CDC42BPB: variants seen among roughly 807,000 people sequenced by gnomAD.
CDC42BPB encodes the protein CDC42 binding protein kinase beta.
A neutral mutation model predicts 214.9 loss-of-function variants in CDC42BPB; 37 were observed. The observed-to-expected ratio is 0.17, with a 90% CI of 0.13 to 0.23. The LOEUF (loss-of-function observed/expected upper bound fraction) is 0.23. Among genes scored for constraint, CDC42BPB ranks in the 10% least tolerant of loss-of-function variants. The probability of loss-of-function intolerance (pLI) is 1.00; values close to 1 mark genes in which losing one functional copy is unlikely to be tolerated. For missense variants in CDC42BPB, 1,694 were observed against 2,227.0 expected, an observed-to-expected ratio of 0.76 and a Z score of 4.82; for synonymous variants, 931 against 884.0, an observed-to-expected ratio of 1.05 and a Z score of -0.94.
chr14:102,997,872 C>T (rs941364587), intron 5 of CDC42BPB, among the ~76,000 whole-genome samples: 12 of 152,196 alleles, frequency 7.9e-5, no homozygotes, highest in East Asian at 1.9e-4. Flanking sequence ...GAGCCGGGCG[C>T]GGTGGCTCAC....
At chr14:102,953,954 AC>A (rs1892603321) in intron 23 of CDC42BPB, among the ~76,000 whole-genome samples, 1 of 152,186 alleles carries the variant, frequency 6.6e-6, no homozygotes, top group African/African-American at 2.4e-5. Context: ...TGAATGCTGA[AC>A]TTTTCCAATT....
intron 4 of CDC42BPB, among the ~76,000 whole-genome samples, chr14:103,002,559 T>C (rs1270644475): frequency 1.3e-5 from 2 of 152,214 alleles, no homozygotes; most frequent in Non-Finnish European, 2.9e-5. Context: ...AAAGTGGAAA[T>C]GAACTGGAGA....
chr14:102,968,958 A>C, intron 14 of CDC42BPB: 1 of 900,508 alleles, frequency 1.1e-6, no homozygotes, highest in Non-Finnish European at 1.3e-6. Context: ...GCTCTGCCCC[A>C]CACCCTGTTC....
chr14:102,993,543 G>C (rs1894592934), intron 5 of CDC42BPB, among the ~76,000 whole-genome samples: 1 of 151,650 alleles, frequency 6.6e-6, no homozygotes, highest in African/African-American at 2.4e-5. Flanking sequence ...TGGAAGGATG[G>C]AGGGAAAGAG....
At chr14:103,053,014 G>C (rs553914846) in intron 1 of CDC42BPB, among the ~76,000 whole-genome samples, 32 of 152,292 alleles carry the variant, frequency 2.1e-4, no homozygotes, top group African/African-American at 7.7e-4. Flanking sequence ...CATATGTTCT[G>C]CTTCAAATGG....
chr14:103,015,856 G>A (rs997807748), intron 1 of CDC42BPB, among the ~76,000 whole-genome samples: 3 of 151,876 alleles, frequency 2.0e-5, no homozygotes, highest in South Asian at 2.1e-4. Context: ...TTACAGGCAC[G>A]TGCCACCACA....
intron 1 of CDC42BPB, among the ~76,000 whole-genome samples, chr14:103,034,724 A>G (rs1887571587): frequency 6.6e-6 from 1 of 152,094 alleles, no homozygotes; most frequent in Non-Finnish European, 1.5e-5. Context: ...AGGCTGAGGC[A>G]AAAGAATCCC....
intron 1 of CDC42BPB, among the ~76,000 whole-genome samples, chr14:103,032,902 C>T (rs1437899330): frequency 6.7e-6 from 1 of 150,240 alleles, no homozygotes; most frequent in Admixed American, 6.6e-5. Flanking sequence ...CAGGCATAAT[C>T]CACCGTGCCC....
chr14:103,051,815 T>C (rs1333177470), intron 1 of CDC42BPB, among the ~76,000 whole-genome samples: 9 of 152,204 alleles, frequency 5.9e-5, no homozygotes, highest in Non-Finnish European at 1.3e-4. Context: ...TGCTGCTCAC[T>C]GTGAAGCCCA....
At chr14:102,968,965 G>A in intron 14 of CDC42BPB, 2 of 847,726 alleles carry the variant, frequency 2.4e-6, no homozygotes, top group Non-Finnish European at 2.8e-6. Context: ...CCCACACCCT[G>A]TTCATTCATG....
At position 103,032,789 on chromosome 14, in the gene CDC42BPB, C is replaced by T. The variant is rs143582903; in HGVS notation, c.176-20601G>A. 2.8e-3 allele frequency among the ~76,000 whole-genome samples: 432 copies of T among 151,590 alleles called. 17 individuals carry two copies. In the East Asian group the frequency reaches 0.073, roughly 25 times the overall value. The stretch of plus-strand genomic sequence containing the variant: ...CTGGGATTACAGGCATGCAGCACCA[C>T]GCCTGGCTAATTTTTATATTTTAGT... On this transcript the variant is annotated intron_variant, in intron 1 of 36. Transcript: ENST00000361246.
chr14:102,962,989 AAAG>A lies in CDC42BPB; in HGVS notation c.2821+69_2821+71del, dbSNP rs1893029421. 3 of 766,710 alleles carry A rather than the reference AAAG, an allele frequency of 3.9e-6. No homozygotes were observed. In the Admixed American group the frequency reaches 7.3e-5, roughly 19 times the overall value. The allele number at this position is 766,710 out of a possible 1,614,324, so 47.5% of individuals were successfully genotyped here. A position where few individuals can be genotyped will look rare whatever the true frequency, so the allele number is the denominator to read the frequency against. ...GCTTCTAAAGTAACTATTAAGTCGA[AAAG>A]AAAATAAAAACATTCATTTGAAAAA... On this transcript the variant is annotated intron_variant, in intron 20 of 36. Transcript: ENST00000361246.
chr14:102,978,365 A>G (rs1334088612), intron 8 of CDC42BPB, 160 bp from the exon 9 acceptor site: 1 of 984,354 alleles, frequency 1.0e-6, no homozygotes, highest in Non-Finnish European at 1.2e-6. Context: ...AGATGAGTAT[A>G]GCAGATCTGT....
At chr14:103,045,430 A>G (rs956391935) in intron 1 of CDC42BPB, among the ~76,000 whole-genome samples, 3 of 152,134 alleles carry the variant, frequency 2.0e-5, no homozygotes, top group African/African-American at 7.2e-5. Context: ...GCCCCACATC[A>G]CGTGGTCTCC....
At chr14:103,014,842 G>A (rs2139651196) in intron 1 of CDC42BPB, among the ~76,000 whole-genome samples, 1 of 151,576 alleles carries the variant, frequency 6.6e-6, no homozygotes, top group Middle Eastern at 3.4e-3. Flanking sequence ...GGGCGACAGA[G>A]TGACACTCTA....
intron 36 of CDC42BPB, 178 bp from the exon 37 acceptor site, chr14:102,934,021 TGA>T: frequency 5.9e-6 from 8 of 1,358,912 alleles, no homozygotes; most frequent in Non-Finnish European, 7.5e-6. Flanking sequence ...GGCGTGCTGG[TGA>T]GAGTCACAAA....
At chr14:103,043,442 C>T (rs56077261) in intron 1 of CDC42BPB, among the ~76,000 whole-genome samples, 5,524 of 152,090 alleles carry the variant, frequency 0.036, 169 homozygotes, top group Middle Eastern at 0.11. Context: ...TATTATATGA[C>T]GCCACTTACA....
chr14:102,970,214 G>A lies in CDC42BPB; in HGVS notation c.1932C>T (p.Arg644=). ...AGTTCTCGCTGTGCTCACGAAGCTTGCGCTCCTTGGAGGCCTCAGCAACAG... is the reference window on the plus strand; with the variant it reads ...AGTTCTCGCTGTGCTCACGAAGCTTACGCTCCTTGGAGGCCTCAGCAACAG... The part of the protein sequence containing the change: ...DDAVAEASKE[R]KLREHSENFC... The change falls in exon 14 of 37, where the codon CGC becomes CGT. Residue 644 remains arginine, a synonymous_variant. Coordinates refer to ENST00000361246, the MANE Select transcript of CDC42BPB (RefSeq NM_006035.4). 3 of 1,613,868 alleles carry A rather than the reference G, an allele frequency of 1.9e-6. No homozygotes were observed. Among genetic ancestry groups the A allele is most frequent in the South Asian group, 2.2e-5 (2 of 90,962 alleles).
Position 102,933,665 on chromosome 14 carries a change from C to A in CDC42BPB, c.*47G>T. 7.2e-7 allele frequency: 1 copy of A among 1,394,624 alleles called. No homozygotes were observed. The highest frequency in any genetic ancestry group is 9.2e-7 in the Non-Finnish European group (1 of 1,082,350). 86.4% of individuals were successfully genotyped at this position (1,394,624 alleles called of 1,614,324 possible). A position where few individuals can be genotyped will look rare whatever the true frequency, so the allele number is the denominator to read the frequency against. On this transcript the variant is annotated 3_prime_UTR_variant, in exon 37 of 37. Coordinates refer to ENST00000361246, the MANE Select transcript of CDC42BPB (RefSeq NM_006035.4). The stretch of plus-strand genomic sequence containing the variant: ...GGCCCGCTCAGTCTTGGCACTGACG[C>A]TGGAGGCCATCTCCAGCTCCCTGGC...
Sources: gnomAD v4.1 joint callset for allele counts (sites outside exome capture counted in the v4.1 genomes callset) on GRCh38, gnomAD v4.1.1 for gene constraint, MANE v1.5 for transcripts, NCBI Gene and HGNC (gene_info 2026-07-23, HGNC 2026-07-21) for gene names.